The following NPC2 variants were observed in gnomAD, a reference collection of about 807,000 sequenced individuals.
The protein encoded by NPC2 is NPC intracellular cholesterol transporter 2, also known as Niemann-Pick disease type C2 protein.
In NPC2, 14 loss-of-function variants were observed where a neutral mutation model predicts 17.0. That is an observed-to-expected ratio of 0.82 (90% CI 0.54 to 1.29). NPC2 has a LOEUF of 1.29. NPC2 is among the 50% of genes most tolerant of loss of function. NPC2 has a pLI of 0.00. For synonymous variants in NPC2, 75 were observed against 69.3 expected (o/e 1.08, Z -0.41); for missense variants, 167 against 183.4 (o/e 0.91, Z 0.52).
rs1404077821 is a variant in NPC2 at position 74,484,595 on chromosome 14, A to G, written c.191-8T>C. ...TGCTTTTAGACTGAATATCTAAGAGAAAAAAAGAGAATCAGATGGCAAAGA... is the reference window on the plus strand; with the variant it reads ...TGCTTTTAGACTGAATATCTAAGAGGAAAAAAGAGAATCAGATGGCAAAGA... On this transcript the variant is annotated splice_polypyrimidine_tract_variant and splice_region_variant and intron_variant, in intron 2 of 4. Transcript: ENST00000555619. 7.4e-6 allele frequency: 12 copies of G among 1,613,612 alleles called. No homozygotes were observed. The highest frequency in any genetic ancestry group is 3.3e-5 in the Admixed American group (2 of 59,956).
intron 1 of NPC2, among the ~76,000 whole-genome samples, chr14:74,488,710 T>C (rs2086739529): frequency 6.6e-6 from 1 of 151,580 alleles, no homozygotes; most frequent in Non-Finnish European, 1.5e-5. Flanking sequence ...CAAGACTCTG[T>C]CTCAAAAAAT....
intron 3 of NPC2, among the ~76,000 whole-genome samples, chr14:74,482,039 A>G (rs2086661316): frequency 6.6e-6 from 1 of 152,206 alleles, no homozygotes; most frequent in Admixed American, 6.5e-5. Context: ...GCTATTTTTC[A>G]AATTAAATGT....
intron 1 of NPC2, 65 bp from the exon 2 acceptor site, chr14:74,486,501 C>T (rs1468680538): frequency 1.5e-6 from 2 of 1,312,242 alleles, no homozygotes; most frequent in Non-Finnish European, 1.1e-6. Flanking sequence ...AGGCTGCCCA[C>T]CACCTAATGG....
rs776749539 is a variant in NPC2, at chr14:74,493,213, G to A, written c.62C>T (p.Pro21Leu). The part of the protein sequence containing the change: ...LALSTAAQAE[P>L]VQFKDCGSVD... The stretch of plus-strand genomic sequence containing the variant: ...CTCACCGCAGTCCTTGAACTGCACC[G>A]GTTCGGCCTGGGCAGCGGTGCTGAG... The change falls in exon 1 of 5, where the codon CCG becomes CTG. Residue 21 changes from proline (P) to leucine (L), a missense_variant. Pro to Leu is a moderately conservative substitution (Grantham distance 98, BLOSUM62 -3). Coordinates refer to ENST00000555619, the MANE Select transcript of NPC2 (RefSeq NM_006432.5). The surrounding 1 kb of genome is among the most constrained non-coding windows in gnomAD (Gnocchi z 4.1). 8 of 1,611,940 alleles carry A rather than the reference G, an allele frequency of 5.0e-6. No homozygotes were observed. Among genetic ancestry groups the A allele is most frequent in the Admixed American group, 1.7e-5 (1 of 59,852 alleles).
Position 74,493,218 on chromosome 14 carries a change from G to A in NPC2, c.57C>T (p.Ala19=), listed in dbSNP as rs752818745. ...CGCAGTCCTTGAACTGCACCGGTTC[G>A]GCCTGGGCAGCGGTGCTGAGCGCCA... The part of the protein sequence containing the change: ...LLLALSTAAQ[A]EPVQFKDCGS... The change falls in exon 1 of 5, where the codon GCC becomes GCT. Residue 19 remains alanine (A), a synonymous_variant. Transcript: ENST00000555619. This position sits in a 1 kb window ranked among gnomAD's most constrained non-coding sequence, Gnocchi z 4.1. 136 of 1,612,352 alleles carry A rather than the reference G, an allele frequency of 8.4e-5. No individual in the cohort carries two copies. Among genetic ancestry groups the A allele is most frequent in the Non-Finnish European group, 1.1e-4 (133 of 1,179,538 alleles).
chr14:74,484,637 A>C (rs755265518), intron 2 of NPC2, 50 bp from the exon 3 acceptor site: 23 of 1,596,720 alleles, frequency 1.4e-5, no homozygotes, highest in Non-Finnish European at 2.0e-5. Flanking sequence ...CCTATTTTCA[A>C]ACTCTAAATC....
At chr14:74,486,003 T>A (rs551588853) in intron 2 of NPC2, among the ~76,000 whole-genome samples, 1 of 152,334 alleles carries the variant, frequency 6.6e-6, no homozygotes, top group African/African-American at 2.4e-5. Context: ...ATACTAATAC[T>A]CTGCAGTCTG....
chr14:74,480,024 A>C lies in NPC2; in HGVS notation c.*250T>G. 1 of 1,469,404 alleles carries C rather than the reference A, an allele frequency of 6.8e-7. No homozygotes were observed. Among genetic ancestry groups the C allele is most frequent in the East Asian group, 2.6e-5 (1 of 38,956 alleles). The allele number at this position is 1,469,404 out of a possible 1,614,324, so 91.0% of individuals were successfully genotyped here. On this transcript the variant is annotated 3_prime_UTR_variant, in exon 5 of 5. Coordinates refer to ENST00000555619, the MANE Select transcript of NPC2 (RefSeq NM_006432.5). ...AGAGGCCACAAGTTAATGTTGTTAA[A>C]AAAAAAATTAAACATCTGCTAACCA...
Position 74,484,498 on chromosome 14 carries a change from T to C in NPC2, c.280A>G (p.Lys94Glu). The C allele has an allele frequency of 6.2e-7, 1 of 1,614,084 alleles. No homozygotes were observed. The highest frequency in any genetic ancestry group is 8.5e-7 in the Non-Finnish European group (1 of 1,180,024). ...TGGATAGGGCAGTTAATTCCACTCT[T>C]ACAACCATCAGGCTCAGGAATGGGA... ...PFPIPEPDGCKSGINCPIQKD... is the reference protein window; with the variant it reads ...PFPIPEPDGCESGINCPIQKD... Residue 94 changes from lysine to glutamate, a missense_variant, in exon 3 of 5, where the codon AAG becomes GAG. By Grantham distance (56) the Lys-to-Glu change is moderately conservative (BLOSUM62 1). Coordinates refer to ENST00000555619, the MANE Select transcript of NPC2 (RefSeq NM_006432.5).
At chr14:74,492,153 A>G (rs370604665) in intron 1 of NPC2, among the ~76,000 whole-genome samples, 2 of 152,252 alleles carry the variant, frequency 1.3e-5, no homozygotes, top group African/African-American at 2.4e-5. Context: ...TTCCAAGCCC[A>G]TACCCGCCAA....
chr14:74,485,294 CAAAAAAAAAAAAA>C (rs61395005), intron 2 of NPC2, among the ~76,000 whole-genome samples: 19 of 71,330 alleles, frequency 2.7e-4, no homozygotes, highest in African/African-American at 1.0e-3. Flanking sequence ...GACTCTGTCA[CAAAAAAAAAAAAA>C]AAAAAAAAAA....
intron 3 of NPC2, among the ~76,000 whole-genome samples, chr14:74,482,547 C>T (rs2139666198): frequency 6.6e-6 from 1 of 152,322 alleles, no homozygotes; most frequent in South Asian, 2.1e-4. Context: ...CAAACTACTG[C>T]TCTCTTGTTT....
At position 74,480,175 on chromosome 14, in the gene NPC2, T is replaced by C. The variant is rs780763977; in HGVS notation, c.*99A>G. On this transcript the variant is annotated 3_prime_UTR_variant, in exon 5 of 5. Transcript: ENST00000555619. ...CTCTTCAACGAATCACTGGATACCA[T>C]TGGAGAGCAAGTCACTGTTGTTGAA... The C allele has an allele frequency of 4.4e-5, 71 of 1,612,338 alleles. No individual in the cohort carries two copies. Among genetic ancestry groups the C allele is most frequent in the African/African-American group, 6.7e-5 (5 of 74,838 alleles).
chr14:74,486,236 A>G (rs766778459), intron 2 of NPC2, 93 bp downstream of exon 2: 96 of 1,149,212 alleles, frequency 8.4e-5, no homozygotes, highest in Non-Finnish European at 1.0e-4. Context: ...ATGACTGCCA[A>G]TTCCCCTCCC....
rs544942062 is a variant in NPC2, at chr14:74,486,597, T to A, written c.83-161A>T. Among the ~76,000 whole-genome samples, 172 of 152,340 alleles carry A rather than the reference T, an allele frequency of 1.1e-3. 1 individual carries two copies. Among genetic ancestry groups the A allele is most frequent in the Non-Finnish European group, 1.7e-3 (118 of 68,034 alleles). On this transcript the variant is annotated intron_variant, in intron 1 of 4. Transcript: ENST00000555619. ...GGAATCTTTAAGAATAATGCCCAAT[T>A]AGAAGTCAGAATCTTGATTCATCTT... is the stretch of plus-strand genomic sequence containing the variant.
Position 74,487,281 on chromosome 14 carries a change from T to A in NPC2, c.83-845A>T, listed in dbSNP as rs368269093. ...TTTTTGTGGTTTTTTTTTGTTTTTT[T>A]TTTTTGAGACAGGGTCTCACTCTGT... On this transcript the variant is annotated intron_variant, in intron 1 of 4. Coordinates refer to ENST00000555619, the MANE Select transcript of NPC2 (RefSeq NM_006432.5). 2.7e-5 allele frequency among the ~76,000 whole-genome samples: 4 copies of A among 149,876 alleles called. No individual in the cohort carries two copies. The East Asian group carries it at 7.8e-4, about 29-fold the overall frequency.
In NPC2 at chr14:74,480,796, A is replaced by G. The variant is rs1309171086; in HGVS notation, c.364-17T>C. On this transcript the variant is annotated splice_polypyrimidine_tract_variant and intron_variant, in intron 3 of 4. Transcript: ENST00000555619. ...CAGTTTTATCTGGAGAAAGAGAAAA[A>G]TAATTGAGAAAAATGAAAATAGGAC... 1.9e-6 allele frequency: 3 copies of G among 1,605,252 alleles called. No homozygotes were observed. Among genetic ancestry groups the G allele is most frequent in the Non-Finnish European group, 8.5e-7 (1 of 1,171,994 alleles).
chr14:74,493,086 T>C lies in NPC2; in HGVS notation c.82+107A>G, dbSNP rs935722101. On this transcript the variant is annotated intron_variant, in intron 1 of 4. Transcript: ENST00000555619. This position sits in a 1 kb window ranked among gnomAD's most constrained non-coding sequence, Gnocchi z 4.1. ...GTTAGGTAGGGTCCAAGGCTCAGCC[T>C]GGCCGCCCGAGGGATCCGCCCAGCC... 3.2e-5 allele frequency: 46 copies of C among 1,428,632 alleles called. No individual in the cohort carries two copies. The highest frequency in any genetic ancestry group is 4.3e-5 in the Non-Finnish European group (45 of 1,049,478). The allele number at this position is 1,428,632 out of a possible 1,614,324, so 88.5% of individuals were successfully genotyped here.
At position 74,480,241 on chromosome 14, in the gene NPC2, C is replaced by G. The variant is rs565841167; in HGVS notation, c.*33G>C. The G allele has an allele frequency of 6.2e-7, 1 of 1,614,146 alleles. No individual in the cohort carries two copies. The highest frequency in any genetic ancestry group is 2.2e-5 in the East Asian group (1 of 44,876). On this transcript the variant is annotated 3_prime_UTR_variant, in exon 5 of 5. Coordinates refer to ENST00000555619, the MANE Select transcript of NPC2 (RefSeq NM_006432.5). ...GTGCTGTCAAGAGTCTCAGCAGACTCATTGGCCAGATGCACCGAACTCAAT... is the reference window on the plus strand; with the variant it reads ...GTGCTGTCAAGAGTCTCAGCAGACTGATTGGCCAGATGCACCGAACTCAAT...
Sources: gnomAD v4.1 joint callset for allele counts (sites outside exome capture counted in the v4.1 genomes callset) on GRCh38, gnomAD v4.1.1 for gene constraint, Gnocchi (gnomAD v3.1) non-coding constraint, MANE v1.5 for transcripts, NCBI Gene and HGNC (gene_info 2026-07-23, HGNC 2026-07-21) for gene names.